ZNF423: variants seen among roughly 807,000 people sequenced by gnomAD.
ZNF423 encodes Ebf-associated zinc finger protein.
Under a neutral mutation model 95.8 loss-of-function variants are expected in ZNF423, and 12 were observed. The ratio of observed to expected loss-of-function variants is 0.13; its 90% CI spans 0.08 to 0.20. The LOEUF (loss-of-function observed/expected upper bound fraction) is 0.20. ZNF423 is among the 10% of genes least tolerant of loss of function. The pLI, the probability that ZNF423 is intolerant of heterozygous loss-of-function variation, is 1.00. For missense variants in ZNF423, 1,316 were observed against 1,737.1 expected, an observed-to-expected ratio of 0.76 and a Z score of 4.31; for synonymous variants, 749 against 711.9, an observed-to-expected ratio of 1.05 and a Z score of -0.83.
chr16:49,733,477 C>A (rs1372946647), intron 2 of ZNF423, among the ~76,000 whole-genome samples: 1 of 152,208 alleles, frequency 6.6e-6, no homozygotes, highest in Non-Finnish European at 1.5e-5. Context: ...AAATCTGGTA[C>A]ATCCTGTTGA....
intron 1 of ZNF423, chr16:49,827,057 T>C (rs2035012243): frequency 6.6e-6 from 1 of 152,210 alleles, no homozygotes; most frequent in Non-Finnish European, 1.5e-5. Context: ...TGAGCAAGTA[T>C]TGCAACATTT....
At chr16:49,533,089 A>C (rs561142678) in intron 5 of ZNF423, among the ~76,000 whole-genome samples, 2 of 152,290 alleles carry the variant, frequency 1.3e-5, no homozygotes, top group South Asian at 2.1e-4. Flanking sequence ...CATCTGGTCC[A>C]GGCCCACCAA....
At chr16:49,749,567 C>T (rs1216992667) in intron 2 of ZNF423, among the ~76,000 whole-genome samples, 1 of 152,252 alleles carries the variant, frequency 6.6e-6, no homozygotes, top group Non-Finnish European at 1.5e-5. Flanking sequence ...CGATCCCGCA[C>T]ATCCTCTCCT....
At chr16:49,774,277 A>G (rs1394528844) in intron 2 of ZNF423, among the ~76,000 whole-genome samples, 1 of 152,162 alleles carries the variant, frequency 6.6e-6, no homozygotes, top group Non-Finnish European at 1.5e-5. Flanking sequence ...GTTTCCACCC[A>G]GATGGAAAGT....
At chr16:49,854,446 G>T (rs909196558) in intron 1 of ZNF423, 11 of 985,338 alleles carry the variant, frequency 1.1e-5, no homozygotes, top group Non-Finnish European at 1.3e-5. Flanking sequence ...AGGGAGCGGG[G>T]CCCCAGCGCC....
intron 3 of ZNF423, among the ~76,000 whole-genome samples, chr16:49,649,665 A>AGG (rs1973320535): frequency 1.5e-4 from 11 of 71,252 alleles, no homozygotes; most frequent in Non-Finnish European, 2.3e-4. Flanking sequence ...ACACACACAC[A>AGG]CACAGGGAGA....
intron 5 of ZNF423, among the ~76,000 whole-genome samples, chr16:49,612,471 T>TA (rs35796892): frequency 0.23 from 33,677 of 148,214 alleles, 4,248 homozygotes; most frequent in African/African-American, 0.34. Context: ...CCATTCATGG[T>TA]AAAAAACAAA....
intron 4 of ZNF423, among the ~76,000 whole-genome samples, chr16:49,633,645 C>T (rs1232936651): frequency 1.3e-5 from 2 of 152,148 alleles, no homozygotes; most frequent in South Asian, 2.1e-4. Flanking sequence ...ACTCCAAGGC[C>T]AAAACATTCC....
At chr16:49,543,169 C>T (rs1395983732) in intron 5 of ZNF423, among the ~76,000 whole-genome samples, 2 of 152,184 alleles carry the variant, frequency 1.3e-5, no homozygotes, top group East Asian at 3.8e-4. Context: ...ACAAATCACC[C>T]CCTCAGCTGA....
At chr16:49,611,142 T>C (rs997343082) in intron 5 of ZNF423, among the ~76,000 whole-genome samples, 12 of 152,026 alleles carry the variant, frequency 7.9e-5, no homozygotes, top group African/African-American at 2.7e-4. Flanking sequence ...CTCAAAATCA[T>C]TGACCAACAG....
At chr16:49,821,898 C>A (rs1043373903) in intron 1 of ZNF423, among the ~76,000 whole-genome samples, 2 of 152,198 alleles carry the variant, frequency 1.3e-5, no homozygotes, top group Non-Finnish European at 2.9e-5. Flanking sequence ...GTGAGGTCTG[C>A]TGTGCACAAC....
At chr16:49,531,463 G>A (rs1345495541) in intron 5 of ZNF423, among the ~76,000 whole-genome samples, 1 of 151,912 alleles carries the variant, frequency 6.6e-6, no homozygotes, top group Non-Finnish European at 1.5e-5. Flanking sequence ...GGACCCCTCC[G>A]ACACCATCCC....
intron 3 of ZNF423, among the ~76,000 whole-genome samples, chr16:49,722,548 C>T (rs4785185): frequency 0.28 from 43,160 of 152,086 alleles, 6,487 homozygotes; most frequent in South Asian, 0.36. Flanking sequence ...ATTGTATGAA[C>T]GAACCATCTC....
chr16:49,636,767 C>T lies in ZNF423; in HGVS notation c.2409G>A (p.Glu803=), dbSNP rs1972736439. ...TGTGTGTGGTGATGTGGCACTGCAG[C>T]TCCACCTCGGTGCTGAAGGTCTCCC... is the stretch of plus-strand genomic sequence containing the variant. ...FCGETFSTEV[E]LQCHITTHSK... Residue 803 remains glutamate, a synonymous_variant, in exon 4 of 8, where the codon GAG becomes GAA. Transcript: ENST00000563137. The surrounding 1 kb of genome is among the most constrained non-coding windows in gnomAD (Gnocchi z 8.6). The T allele has an allele frequency of 1.9e-6, 3 of 1,613,922 alleles. No homozygotes were observed. Among genetic ancestry groups the T allele is most frequent in the East Asian group, 2.2e-5 (1 of 44,888 alleles).
At chr16:49,683,260 C>T (rs959779281) in intron 3 of ZNF423, among the ~76,000 whole-genome samples, 1 of 152,192 alleles carries the variant, frequency 6.6e-6, no homozygotes, top group Non-Finnish European at 1.5e-5. Context: ...CCATTGTCTC[C>T]TGCAGGAGAC....
chr16:49,701,281 G>A lies in ZNF423; in HGVS notation c.301+29490C>T, dbSNP rs193272056. Among the ~76,000 whole-genome samples the A allele has an allele frequency of 6.6e-3, 1,002 of 152,382 alleles. 15 individuals are homozygous for A. The highest frequency in any genetic ancestry group is 0.023 in the African/African-American group (942 of 41,594). The stretch of plus-strand genomic sequence containing the variant: ...ACGTGTGTGTGTAGGGTGGGGGACA[G>A]GAAGGCACCCCTCTGTCTTTTCAAG... On this transcript the variant is annotated intron_variant, in intron 3 of 7. Coordinates refer to ENST00000563137, the MANE Select transcript of ZNF423 (RefSeq NM_001379286.1).
At chr16:49,609,424 G>C (rs1372694399) in intron 5 of ZNF423, among the ~76,000 whole-genome samples, 1 of 152,106 alleles carries the variant, frequency 6.6e-6, no homozygotes, top group Non-Finnish European at 1.5e-5. Flanking sequence ...CTAATGGGGA[G>C]TTTAAAGGAG....
At chr16:49,768,309 G>A (rs2033967738) in intron 2 of ZNF423, among the ~76,000 whole-genome samples, 1 of 152,202 alleles carries the variant, frequency 6.6e-6, no homozygotes, top group South Asian at 2.1e-4. Flanking sequence ...TAACCCGTGA[G>A]CCCCAACTCT....
intron 1 of ZNF423, among the ~76,000 whole-genome samples, chr16:49,814,280 G>T (rs1269453460): frequency 1.3e-5 from 2 of 152,062 alleles, no homozygotes. Context: ...CGTGGGCTCT[G>T]GGGGGTGGGG....
Sources: allele counts gnomAD v4.1 joint callset (sites outside exome capture counted in the v4.1 genomes callset), GRCh38; gene constraint gnomAD v4.1.1; non-coding constraint Gnocchi (gnomAD v3.1); transcripts MANE v1.5; gene names NCBI Gene and HGNC (gene_info 2026-07-23, HGNC 2026-07-21).